Variants in CHPT1 observed in about 807,000 individuals in gnomAD.
CHPT1 encodes choline phosphotransferase 1.
CHPT1 carries 36 observed loss-of-function variants against 47.6 expected under a neutral mutation model. The ratio of observed to expected loss-of-function variants is 0.76; its 90% CI spans 0.58 to 1.00. CHPT1 has a LOEUF of 1.00. Ranked by LOEUF, CHPT1 falls within the 50% of genes least tolerant of loss-of-function variation. The pLI, the probability that CHPT1 is intolerant of heterozygous loss-of-function variation, is 0.00. For missense variants in CHPT1, 458 were observed against 498.1 expected (o/e 0.92, Z 0.77); for synonymous variants, 194 against 186.3 (o/e 1.04, Z -0.33).
In CHPT1 at chr12:101,728,868, T is replaced by C. The variant is rs752282731; in HGVS notation, c.1177-33T>C. Reference sequence around the variant, plus strand: ...TTCTAAAGACTTACAATATGCTTCTTAGCTAACGTTATAATTGTATCATAT... The same window carrying C: ...TTCTAAAGACTTACAATATGCTTCTCAGCTAACGTTATAATTGTATCATAT... On this transcript the variant is annotated intron_variant, in intron 8 of 8. Coordinates refer to ENST00000229266, the MANE Select transcript of CHPT1 (RefSeq NM_020244.3). 1.1e-5 allele frequency: 18 copies of C among 1,609,346 alleles called. No individual in the cohort carries two copies. In the South Asian group the frequency reaches 2.0e-4, roughly 18 times the overall value.
chr12:101,699,039 A>G (rs1317877044), intron 1 of CHPT1, among the ~76,000 whole-genome samples: 3 of 152,232 alleles, frequency 2.0e-5, no homozygotes, highest in African/African-American at 7.2e-5. Flanking sequence ...GGTTGGATTA[A>G]CAGAAATACA....
chr12:101,719,954 T>TTAAA (rs55658306), intron 4 of CHPT1, 169 bp from the exon 5 acceptor site: 180,197 of 389,914 alleles, frequency 0.46, 45,629 homozygotes, highest in African/African-American at 0.71. Context: ...AAAAAAAAAG[T>TTAAA]TAAAAAAAAG....
chr12:101,717,581 T>A (rs1951785110), intron 4 of CHPT1, among the ~76,000 whole-genome samples: 1 of 152,208 alleles, frequency 6.6e-6, no homozygotes, highest in African/African-American at 2.4e-5. Flanking sequence ...TTATTAGTAT[T>A]ATGCTTTATA....
rs188348046 is a variant in CHPT1 at position 101,711,460 on chromosome 12, C to T, written c.274-2630C>T. On this transcript the variant is annotated intron_variant, in intron 1 of 8. Transcript: ENST00000229266. ...GAAATATGGTATGATCTTGATCTCG[C>T]GTATACACAGAATCTGAAAAAAAAA... Among the ~76,000 whole-genome samples, 4 of 146,988 alleles carry T rather than the reference C, an allele frequency of 2.7e-5. 1 individual carries two copies. Among genetic ancestry groups the T allele is most frequent in the East Asian group, 4.1e-4 (2 of 4,926 alleles).
At chr12:101,706,527 C>T (rs1301924564) in intron 1 of CHPT1, among the ~76,000 whole-genome samples, 3 of 152,222 alleles carry the variant, frequency 2.0e-5, no homozygotes, top group South Asian at 4.2e-4. Context: ...AGAACATGTT[C>T]CAGAAAAATC....
chr12:101,713,284 T>C (rs1422577561), intron 1 of CHPT1, among the ~76,000 whole-genome samples: 2 of 152,032 alleles, frequency 1.3e-5, no homozygotes, highest in Non-Finnish European at 2.9e-5. Context: ...CTCCCTGGCC[T>C]TTGTTAGTTT....
At chr12:101,717,788 G>T (rs190399833) in intron 4 of CHPT1, among the ~76,000 whole-genome samples, 11 of 152,248 alleles carry the variant, frequency 7.2e-5, no homozygotes, top group African/African-American at 2.6e-4. Context: ...TTACCTAAAT[G>T]ATTTGAAAAC....
At chr12:101,726,174 G>A in intron 7 of CHPT1, 120 bp from the exon 8 acceptor site, 1 of 662,118 alleles carries the variant, frequency 1.5e-6, no homozygotes, top group Middle Eastern at 4.2e-4. Context: ...GCTTTAAAAT[G>A]TAGTATTTTT....
At chr12:101,708,701 A>G (rs1175402462) in intron 1 of CHPT1, among the ~76,000 whole-genome samples, 1 of 124,464 alleles carries the variant, frequency 8.0e-6, no homozygotes, top group Non-Finnish European at 1.9e-5. Context: ...GGTTCAAGCA[A>G]TTCTCGTGCC....
intron 1 of CHPT1, among the ~76,000 whole-genome samples, chr12:101,712,118 C>T (rs1951707366): frequency 6.7e-6 from 1 of 148,590 alleles, no homozygotes; most frequent in Admixed American, 6.8e-5. Context: ...CTTCCCCAGG[C>T]TTGGGTGATC....
chr12:101,712,528 G>A (rs181514580), intron 1 of CHPT1, among the ~76,000 whole-genome samples: 8 of 148,264 alleles, frequency 5.4e-5, no homozygotes, highest in African/African-American at 1.9e-4. Flanking sequence ...TAAGACTCTA[G>A]TTACATATGT....
intron 4 of CHPT1, among the ~76,000 whole-genome samples, chr12:101,717,588 TATAA>T (rs2137019963): frequency 6.6e-6 from 1 of 152,322 alleles, no homozygotes; most frequent in African/African-American, 2.4e-5. Flanking sequence ...TATTATGCTT[TATAA>T]ATAAGTCTTA....
chr12:101,700,319 A>G (rs58477896), intron 1 of CHPT1, among the ~76,000 whole-genome samples: 1 of 70,394 alleles, frequency 1.4e-5, no homozygotes, highest in Non-Finnish European at 2.5e-5. Flanking sequence ...GATCAGCCTC[A>G]TGTGAAAAAA....
intron 1 of CHPT1, among the ~76,000 whole-genome samples, chr12:101,704,634 C>T (rs113371592): frequency 2.0e-3 from 290 of 144,714 alleles, no homozygotes; most frequent in African/African-American, 6.9e-3. Context: ...CTCCTGACCT[C>T]GGGTGATCCA....
chr12:101,709,593 A>G (rs888041850), intron 1 of CHPT1, among the ~76,000 whole-genome samples: 1 of 148,442 alleles, frequency 6.7e-6, no homozygotes, highest in Non-Finnish European at 1.5e-5. Context: ...GAAAAAGAGA[A>G]GATAGGTCTG....
intron 1 of CHPT1, among the ~76,000 whole-genome samples, chr12:101,705,892 AT>A (rs1169218385): frequency 9.3e-5 from 14 of 150,524 alleles, no homozygotes; most frequent in Non-Finnish European, 1.8e-4. Flanking sequence ...CGCCCGGCTA[AT>A]TTTTGTATTT....
intron 1 of CHPT1, among the ~76,000 whole-genome samples, chr12:101,700,070 A>G (rs1951530117): frequency 6.6e-6 from 1 of 152,264 alleles, no homozygotes; most frequent in Non-Finnish European, 1.5e-5. Context: ...ATCAGACAAC[A>G]TCCTGAAAAC....
At chr12:101,722,340 CAA>C (rs985932502) in intron 5 of CHPT1, among the ~76,000 whole-genome samples, 5 of 151,952 alleles carry the variant, frequency 3.3e-5, no homozygotes, top group East Asian at 1.9e-4. Context: ...ACTTAATAAA[CAA>C]GAGTAAAGCT....
intron 4 of CHPT1, among the ~76,000 whole-genome samples, chr12:101,717,782 C>G (rs995422414): frequency 6.6e-6 from 1 of 152,074 alleles, no homozygotes; most frequent in Non-Finnish European, 1.5e-5. Flanking sequence ...TGTTATTTAC[C>G]TAAATGATTT....
Sources: gnomAD v4.1 joint callset for allele counts (sites outside exome capture counted in the v4.1 genomes callset) on GRCh38, gnomAD v4.1.1 for gene constraint, MANE v1.5 for transcripts, NCBI Gene and HGNC (gene_info 2026-07-23, HGNC 2026-07-21) for gene names.